Variants in SAMD12 observed in about 807,000 individuals in gnomAD.
The protein encoded by SAMD12 is sterile alpha motif domain-containing protein 12.
SAMD12 carries 9 observed loss-of-function variants against 15.0 expected under a neutral mutation model. The observed-to-expected ratio is 0.60, with a 90% CI of 0.36 to 1.05. SAMD12 has a LOEUF of 1.05. Ranked by LOEUF, SAMD12 falls within the 50% of genes least tolerant of loss-of-function variation. The probability of loss-of-function intolerance (pLI) is 0.01; values close to 1 mark genes in which losing one functional copy is unlikely to be tolerated. For missense variants in SAMD12, 230 were observed against 234.2 expected (o/e 0.98, Z 0.12); for synonymous variants, 86 against 90.1 (o/e 0.96, Z 0.25).
At chr8:118,201,799 G>A (rs1237374150) in intron 4 of SAMD12, among the ~76,000 whole-genome samples, 1 of 152,204 alleles carries the variant, frequency 6.6e-6, no homozygotes, top group Admixed American at 6.5e-5. Context: ...GGATTTTGCA[G>A]CTAACAAATA....
rs572733864 is a variant in SAMD12 at position 118,448,215 on chromosome 8, A to G, written c.193-8254T>C. Among the ~76,000 whole-genome samples, 103 of 152,258 alleles carry G rather than the reference A, an allele frequency of 6.8e-4. No individual in the cohort carries two copies. In the Middle Eastern group the frequency reaches 0.024, roughly 35 times the overall value. On this transcript the variant is annotated intron_variant, in intron 2 of 3. Transcript: ENST00000314727. ...CCTTTGAGAATTGTTCAAATGCTCC[A>G]TTTTCAATAAGTCCTATCCTGATCT...
At chr8:118,434,309 T>A (rs1395882922) in intron 3 of SAMD12, among the ~76,000 whole-genome samples, 1 of 152,208 alleles carries the variant, frequency 6.6e-6, no homozygotes, top group Non-Finnish European at 1.5e-5. Context: ...TAGGAATCAT[T>A]TGTAAGCGAT....
At chr8:118,175,596 C>A in the SAMD12 span, among the ~76,000 whole-genome samples, 1 of 152,066 alleles carries the variant, frequency 6.6e-6, no homozygotes, top group Non-Finnish European at 1.5e-5. Context: ...ACTATGCATC[C>A]AGCAAAGATC....
the SAMD12 span, among the ~76,000 whole-genome samples, chr8:118,158,304 C>G: frequency 1.3e-5 from 2 of 152,236 alleles, no homozygotes; most frequent in African/African-American, 2.4e-5. Flanking sequence ...CCTGCTTACA[C>G]CAGCAAGAAC....
At chr8:118,383,600 A>G (rs2130725875) in intron 3 of SAMD12, among the ~76,000 whole-genome samples, 1 of 152,272 alleles carries the variant, frequency 6.6e-6, no homozygotes, top group East Asian at 1.9e-4. Context: ...CTGCCAATAC[A>G]GAGAAGGACC....
chr8:118,491,169 G>A (rs1233106522), intron 2 of SAMD12, among the ~76,000 whole-genome samples: 1 of 152,126 alleles, frequency 6.6e-6, no homozygotes, highest in Non-Finnish European at 1.5e-5. Flanking sequence ...GACTTCTTCA[G>A]CTCCTTGAAG....
At chr8:118,480,584 T>G (rs1365314459) in intron 2 of SAMD12, among the ~76,000 whole-genome samples, 1 of 152,064 alleles carries the variant, frequency 6.6e-6, no homozygotes, top group Non-Finnish European at 1.5e-5. Flanking sequence ...ATGACAGAGG[T>G]ATAAACTGTT....
At chr8:118,427,702 G>C (rs1822273181) in intron 3 of SAMD12, among the ~76,000 whole-genome samples, 1 of 152,180 alleles carries the variant, frequency 6.6e-6, no homozygotes, top group Non-Finnish European at 1.5e-5. Flanking sequence ...TATAAGGGTT[G>C]TTTAGAATTT....
intron 2 of SAMD12, among the ~76,000 whole-genome samples, chr8:118,459,090 G>A (rs1248564271): frequency 2.7e-5 from 4 of 150,838 alleles, no homozygotes; most frequent in East Asian, 3.9e-4. Context: ...TTTGGAGAAC[G>A]AGTCTCACTC....
the SAMD12 span, among the ~76,000 whole-genome samples, chr8:118,155,822 G>A: frequency 1.3e-5 from 2 of 152,108 alleles, no homozygotes; most frequent in East Asian, 1.9e-4. Flanking sequence ...CCATGCACAC[G>A]GAGTTGAATA....
intron 2 of SAMD12, among the ~76,000 whole-genome samples, chr8:118,444,537 CT>C (rs753468369): frequency 4.2e-3 from 587 of 140,610 alleles, no homozygotes; most frequent in East Asian, 0.011. Context: ...TTGCAAATTA[CT>C]TTTTTTTTTT....
intron 2 of SAMD12, among the ~76,000 whole-genome samples, chr8:118,456,389 T>C (rs73313459): frequency 0.046 from 6,955 of 152,290 alleles, 470 homozygotes; most frequent in African/African-American, 0.14. Context: ...ATATCCCTTA[T>C]GGTGATCTGA....
intron 4 of SAMD12, among the ~76,000 whole-genome samples, chr8:118,344,020 C>A (rs889791892): frequency 2.0e-5 from 3 of 152,168 alleles, no homozygotes; most frequent in African/African-American, 7.2e-5. Context: ...ATGGAAATTC[C>A]TTCCTGACTT....
chr8:118,203,692 A>G (rs1280216187), intron 4 of SAMD12, among the ~76,000 whole-genome samples: 2 of 151,134 alleles, frequency 1.3e-5, no homozygotes, highest in Non-Finnish European at 2.9e-5. Flanking sequence ...TTAACTCTTC[A>G]TTTACATTAG....
intron 4 of SAMD12, among the ~76,000 whole-genome samples, chr8:118,293,047 A>G (rs1239840039): frequency 6.7e-6 from 1 of 148,974 alleles, no homozygotes; most frequent in Non-Finnish European, 1.5e-5. Context: ...AACTTAAAGT[A>G]TAATAATAAA....
intron 3 of SAMD12, among the ~76,000 whole-genome samples, chr8:118,425,530 A>G (rs1355345503): frequency 6.6e-6 from 1 of 152,184 alleles, no homozygotes; most frequent in Non-Finnish European, 1.5e-5. Context: ...TCTAAGAAAG[A>G]AAGAAATCAA....
chr8:118,284,080 C>T (rs948748739), intron 4 of SAMD12, among the ~76,000 whole-genome samples: 9 of 152,142 alleles, frequency 5.9e-5, no homozygotes, highest in African/African-American at 2.2e-4. Context: ...AGGTAACTTC[C>T]GAAGACTGCC....
intron 4 of SAMD12, among the ~76,000 whole-genome samples, chr8:118,279,034 T>A (rs961060510): frequency 1.3e-5 from 2 of 152,176 alleles, no homozygotes; most frequent in African/African-American, 2.4e-5. Context: ...GAAATGGGTG[T>A]GTTTATATAA....
chr8:118,605,741 T>C (rs368732938), intron 1 of SAMD12, among the ~76,000 whole-genome samples: 3 of 122,602 alleles, frequency 2.4e-5, no homozygotes, highest in African/African-American at 3.4e-5. Context: ...CAACAACCAG[T>C]ATGGCTGAAA....
Sources: gnomAD v4.1 joint callset for allele counts (sites outside exome capture counted in the v4.1 genomes callset) on GRCh38, gnomAD v4.1.1 for gene constraint, MANE v1.5 for transcripts, NCBI Gene and HGNC (gene_info 2026-07-23, HGNC 2026-07-21) for gene names.